The following CHD1 variants were observed in gnomAD, a reference collection of about 807,000 sequenced individuals.
CHD1 encodes the protein ATP-dependent chromatin remodeler CHD1.
Under a neutral mutation model 224.2 loss-of-function variants are expected in CHD1, and 36 were observed. That is an observed-to-expected ratio of 0.16 (90% CI 0.12 to 0.21). The LOEUF (loss-of-function observed/expected upper bound fraction) is 0.21. Ranked by LOEUF, CHD1 falls within the 10% of genes least tolerant of loss-of-function variation. CHD1 has a pLI of 1.00. For missense variants in CHD1, 1,378 were observed against 1,994.8 expected (o/e 0.69, Z 5.89); for synonymous variants, 668 against 658.3 (o/e 1.01, Z -0.23).
Position 98,856,702 on chromosome 5 carries a change from T to C in CHD1, c.4811A>G (p.His1604Arg), listed in dbSNP as rs1490408382. 1.2e-6 allele frequency: 2 copies of C among 1,607,316 alleles called. No individual in the cohort carries two copies. The highest frequency in any genetic ancestry group is 1.7e-6 in the Non-Finnish European group (2 of 1,174,254). Residue 1604 changes from histidine (H) to arginine (R), a missense_variant, in exon 36 of 36, where the codon CAC becomes CGC. By Grantham distance (29) the His-to-Arg change is conservative. Coordinates refer to ENST00000614616, the MANE Select transcript of CHD1 (RefSeq NM_001270.4). ...DSRYYSDREK[H>R]RKLDDHRSRD... ...ACTCCTGTGATCATCCAGTTTTCTG[T>C]GTTTCTCTCTGTCACTGTAATATCT...
At chr5:98,869,487 T>G (rs890333156) in intron 30 of CHD1, 2 of 357,710 alleles carry the variant, frequency 5.6e-6, no homozygotes, top group Non-Finnish European at 9.6e-6. Context: ...CAGAAGCTCA[T>G]CAAATTGGCA....
chr5:98,897,423 T>C, intron 10 of CHD1, 103 bp from the exon 11 acceptor site: 1 of 804,514 alleles, frequency 1.2e-6, no homozygotes, highest in Non-Finnish European at 1.9e-6. Context: ...ATTTCATCTC[T>C]AATCATCAAG....
intron 17 of CHD1, chr5:98,886,349 C>T (rs200724831): frequency 2.0e-5 from 3 of 152,188 alleles, no homozygotes; most frequent in African/African-American, 7.2e-5. Flanking sequence ...CCGCTTTAAA[C>T]AAAACAGACA....
chr5:98,867,353 A>G (rs925072621), intron 31 of CHD1, among the ~76,000 whole-genome samples: 4 of 152,210 alleles, frequency 2.6e-5, no homozygotes, highest in African/African-American at 9.6e-5. Flanking sequence ...GAGCCTGTTT[A>G]GAAACTCATA....
chr5:98,859,278 C>T (rs895959287), intron 33 of CHD1, among the ~76,000 whole-genome samples: 1 of 152,074 alleles, frequency 6.6e-6, no homozygotes, highest in African/African-American at 2.4e-5. Flanking sequence ...TTCCCTTCAT[C>T]TAGCTTCTCC....
intron 1 of CHD1, among the ~76,000 whole-genome samples, chr5:98,927,084 G>A (rs940169857): frequency 6.6e-6 from 1 of 151,996 alleles, no homozygotes; most frequent in African/African-American, 2.4e-5. Context: ...AAATAAATGT[G>A]TTATTTAACA....
At chr5:98,902,817 G>T in intron 5 of CHD1, 83 bp downstream of exon 5, 3 of 841,116 alleles carry the variant, frequency 3.6e-6, no homozygotes, top group East Asian at 5.4e-5. Context: ...GTCTCCTTTT[G>T]GCAACAATTT....
intron 2 of CHD1, among the ~76,000 whole-genome samples, chr5:98,915,749 G>C (rs985908739): frequency 2.0e-5 from 3 of 152,118 alleles, no homozygotes; most frequent in Non-Finnish European, 4.4e-5. Context: ...CAGGAGTTAA[G>C]AGATTAAATT....
At chr5:98,896,627 T>C (rs1018534425) in intron 11 of CHD1, among the ~76,000 whole-genome samples, 185 bp from the exon 12 acceptor site, 2 of 152,080 alleles carry the variant, frequency 1.3e-5, no homozygotes, top group African/African-American at 2.4e-5. Flanking sequence ...TAATCACTAA[T>C]GCTGTAAGAA....
At chr5:98,867,629 G>C (rs1422600400) in intron 31 of CHD1, among the ~76,000 whole-genome samples, 1 of 151,966 alleles carries the variant, frequency 6.6e-6, no homozygotes, top group Admixed American at 6.6e-5. Context: ...ATACGAGCTG[G>C]AGGAAAACAA....
chr5:98,926,966 A>G (rs1408149012), intron 1 of CHD1, among the ~76,000 whole-genome samples: 1 of 151,460 alleles, frequency 6.6e-6, no homozygotes, highest in Non-Finnish European at 1.5e-5. Flanking sequence ...CCTCACTCCT[A>G]TCACCAAGAA....
intron 31 of CHD1, 61 bp from the exon 32 acceptor site, chr5:98,863,647 C>A: frequency 9.0e-7 from 1 of 1,106,546 alleles, no homozygotes; most frequent in Non-Finnish European, 1.3e-6. Context: ...TCAACAAGGT[C>A]TACCTCCTTC....
intron 2 of CHD1, among the ~76,000 whole-genome samples, chr5:98,918,678 G>T (rs1362988016): frequency 7.1e-6 from 1 of 141,082 alleles, no homozygotes; most frequent in Non-Finnish European, 1.5e-5. Context: ...TGAGGCAGGA[G>T]AATCACTTGT....
At position 98,901,087 on chromosome 5, in the gene CHD1, G is replaced by C; in HGVS notation, c.588-5C>G. 6.3e-7 allele frequency: 1 copy of C among 1,579,188 alleles called. No individual in the cohort carries two copies. The highest frequency in any genetic ancestry group is 1.2e-5 in the South Asian group (1 of 84,074). Reference sequence around the variant, plus strand: ...TTTCCATTTTTTGACTTAGATCTAGGAAAGTGCAAAGAGAAAAAAAAACAA... The same window carrying C: ...TTTCCATTTTTTGACTTAGATCTAGCAAAGTGCAAAGAGAAAAAAAAACAA... On this transcript the variant is annotated splice_region_variant and splice_polypyrimidine_tract_variant and intron_variant, in intron 6 of 35. Coordinates refer to ENST00000614616, the MANE Select transcript of CHD1 (RefSeq NM_001270.4).
At chr5:98,923,418 A>ATTTT (rs5869836) in intron 2 of CHD1, among the ~76,000 whole-genome samples, 1 of 145,882 alleles carries the variant, frequency 6.9e-6, no homozygotes, top group Admixed American at 6.8e-5. Flanking sequence ...GCAAGGTTTA[A>ATTTT]TTTTTTTTTT....
In CHD1 at chr5:98,870,687, C is replaced by G; in HGVS notation, c.3978G>C (p.Ala1326=). The G allele has an allele frequency of 1.3e-6, 2 of 1,573,968 alleles. No homozygotes were observed. The highest frequency in any genetic ancestry group is 1.7e-6 in the Non-Finnish European group (2 of 1,155,370). The part of the protein sequence containing the change: ...DLAKKEALSG[A]GSSKRRKARA... ...CTTAGGCATGTGGGCTTTAACTTAC[C>G]GCACCAGAAAGAGCTTCTTTTTTTG... Residue 1326 remains alanine, a splice_region_variant and synonymous_variant, in exon 29 of 36, where the codon GCG becomes GCC. Coordinates refer to ENST00000614616, the MANE Select transcript of CHD1 (RefSeq NM_001270.4).
At chr5:98,923,723 A>G (rs923612606) in intron 2 of CHD1, among the ~76,000 whole-genome samples, 1 of 151,838 alleles carries the variant, frequency 6.6e-6, no homozygotes, top group Non-Finnish European at 1.5e-5. Context: ...ACAAGGTTTA[A>G]TTTTTTTTCA....
Position 98,856,525 on chromosome 5 carries a change from T to G in CHD1, c.4988A>C (p.Asp1663Ala), listed in dbSNP as rs756851728. ...GGAAGCTCTGTGGTCCATTTGCCAG[T>G]CTGAGTGATACCTATAATCCCTGGA... is the stretch of plus-strand genomic sequence containing the variant. ...KSSRDYRYHS[D>A]WQMDHRASSS... Residue 1663 changes from aspartate to alanine, a missense_variant, in exon 36 of 36, where the codon GAC (aspartate) becomes GCC (alanine). Around this residue, in one of 16 missense-constraint regions of CHD1, gnomAD observed 278 missense variants for 298.5 expected, o/e 0.93. Coordinates refer to ENST00000614616, the MANE Select transcript of CHD1 (RefSeq NM_001270.4). The G allele has an allele frequency of 1.6e-5, 26 of 1,613,800 alleles. No homozygotes were observed. Among genetic ancestry groups the G allele is most frequent in the Non-Finnish European group, 2.2e-5 (26 of 1,179,848 alleles).
chr5:98,889,206 C>T lies in CHD1; in HGVS notation c.2213G>A (p.Ser738Asn). The T allele has an allele frequency of 6.3e-7, 1 of 1,592,754 alleles. No homozygotes were observed. Among genetic ancestry groups the T allele is most frequent in the African/African-American group, 1.4e-5 (1 of 73,832 alleles). The change falls in exon 16 of 36, where the codon AGC becomes AAC. Residue 738 changes from serine (S) to asparagine (N), a missense_variant. Physicochemically the swap from Ser to Asn is conservative, Grantham distance 46. Transcript: ENST00000614616. ...TGAGGTACTGCCCTTGGAACCTTTG[C>T]TGAGGGCTTTGTAATTCCTAGTTAA... ...WILTRNYKAL[S>N]KGSKGSTSGF...
Sources: allele counts gnomAD v4.1 joint callset (sites outside exome capture counted in the v4.1 genomes callset), GRCh38; gene constraint gnomAD v4.1.1; regional missense constraint gnomAD v4.1.1; transcripts MANE v1.5; gene names NCBI Gene and HGNC (gene_info 2026-07-23, HGNC 2026-07-21).